Variants in EFTUD2 observed in about 807,000 individuals in gnomAD.
The protein encoded by EFTUD2 is 116 kDa U5 small nuclear ribonucleoprotein component.
Under a neutral mutation model 114.3 loss-of-function variants are expected in EFTUD2, and 9 were observed. That is an observed-to-expected ratio of 0.08 (90% CI 0.05 to 0.14). EFTUD2 has a LOEUF of 0.14. EFTUD2 is among the 10% of genes least tolerant of loss of function. The pLI, the probability that EFTUD2 is intolerant of heterozygous loss-of-function variation, is 1.00. For missense variants in EFTUD2, 765 were observed against 1,241.2 expected (o/e 0.62, Z 5.76); for synonymous variants, 449 against 462.3 (o/e 0.97, Z 0.37).
intron 2 of EFTUD2, among the ~76,000 whole-genome samples, chr17:44,888,166 A>G (rs969138155): frequency 1.3e-5 from 2 of 152,234 alleles, no homozygotes; most frequent in African/African-American, 4.8e-5. Flanking sequence ...AAGGAAGCCA[A>G]TATGGTGAGA....
chr17:44,874,134 T>A (rs1193767437), intron 10 of EFTUD2, among the ~76,000 whole-genome samples: 1 of 150,596 alleles, frequency 6.6e-6, no homozygotes, highest in African/African-American at 2.4e-5. Flanking sequence ...CCTGAACTCC[T>A]TGGCTCAAGT....
intron 1 of EFTUD2, among the ~76,000 whole-genome samples, chr17:44,894,768 G>A (rs953197822): frequency 1.1e-4 from 17 of 152,194 alleles, no homozygotes; most frequent in Admixed American, 1.3e-4. Context: ...TTAAGGAGCA[G>A]AGAGTTGAAT....
chr17:44,892,570 G>A (rs2051298074), intron 2 of EFTUD2, among the ~76,000 whole-genome samples: 2 of 150,794 alleles, frequency 1.3e-5, no homozygotes, highest in South Asian at 4.2e-4. Context: ...TATCAACATG[G>A]TTTGAATGAG....
At chr17:44,881,558 T>G in intron 7 of EFTUD2, 129 bp downstream of exon 7, 9 of 976,576 alleles carry the variant, frequency 9.2e-6, no homozygotes, top group Non-Finnish European at 1.4e-5. Flanking sequence ...AGATGGGATG[T>G]GAGAAGTGGA....
chr17:44,881,401 A>G (rs887574485), intron 7 of EFTUD2, among the ~76,000 whole-genome samples: 1 of 152,114 alleles, frequency 6.6e-6, no homozygotes, highest in Admixed American at 6.6e-5. Context: ...AACTTATAGC[A>G]CAAATGCAGA....
chr17:44,850,283 G>A lies in EFTUD2; in HGVS notation c.*991C>T, dbSNP rs1249630797. On this transcript the variant is annotated 3_prime_UTR_variant, in exon 28 of 28. Coordinates refer to ENST00000426333, the MANE Select transcript of EFTUD2 (RefSeq NM_004247.4). ...CTAGGACGCCTGAGAGCCAGAGGAC[G>A]GGTGAAGGGTTTGATGCCAAGGGGC... 34 of 1,494,884 alleles carry A rather than the reference G, an allele frequency of 2.3e-5. No homozygotes were observed. The East Asian group carries it at 5.0e-4, about 22-fold the overall frequency. 92.6% of individuals were successfully genotyped at this position (1,494,884 alleles called of 1,614,324 possible). A position where few individuals can be genotyped will look rare whatever the true frequency, so the allele number is the denominator to read the frequency against.
At chr17:44,873,455 A>T (rs911732484) in intron 10 of EFTUD2, among the ~76,000 whole-genome samples, 1 of 152,030 alleles carries the variant, frequency 6.6e-6, no homozygotes, top group African/African-American at 2.4e-5. Context: ...TCTCAAGCTC[A>T]CGCAATCCTC....
Position 44,876,008 on chromosome 17 carries a change from C to T in EFTUD2, c.795G>A (p.Leu265=). ...CATCAGTTGGAGGCAGCTTCAGCTC[C>T]AGGATCAGCCGGTCAATCTTGTTGA... ...VCINKIDRLI[L]ELKLPPTDAY... is the part of the protein sequence containing the mutation. Residue 265 remains leucine, a synonymous_variant, in exon 10 of 28, where the codon CTG becomes CTA. Transcript: ENST00000426333. 1 of 1,614,126 alleles carries T rather than the reference C, an allele frequency of 6.2e-7. No individual in the cohort carries two copies. Among genetic ancestry groups the T allele is most frequent in the Non-Finnish European group, 8.5e-7 (1 of 1,180,034 alleles).
intron 7 of EFTUD2, 86 bp from the exon 8 acceptor site, chr17:44,880,730 T>A (rs1411957444): frequency 1.0e-6 from 1 of 960,160 alleles, no homozygotes; most frequent in African/African-American, 1.6e-5. Flanking sequence ...GCTAGTAAAT[T>A]ACACTGATGC....
chr17:44,875,788 T>C (rs2050936886), intron 10 of EFTUD2, 146 bp downstream of exon 10: 5 of 878,330 alleles, frequency 5.7e-6, no homozygotes, highest in Middle Eastern at 3.6e-4. Flanking sequence ...AGTCAACCCC[T>C]GCAGAGTCCC....
chr17:44,863,518 A>G, intron 15 of EFTUD2, 137 bp downstream of exon 15: 1 of 1,275,738 alleles, frequency 7.8e-7, no homozygotes. Flanking sequence ...CAGGCTTTGC[A>G]TTCAGGCCTG....
chr17:44,870,407 C>G (rs1367084980), intron 11 of EFTUD2, among the ~76,000 whole-genome samples: 1 of 152,148 alleles, frequency 6.6e-6, no homozygotes, highest in Non-Finnish European at 1.5e-5. Context: ...CTGGAAATAA[C>G]TGATATATAC....
rs1015548064 is a variant in EFTUD2 at position 44,886,685 on chromosome 17, C to T, written c.171G>A (p.Val57=). ...AGTACTTCTTGTCCTCATGCAGCAC[C>T]ACCTCCATCCCAGGGTGGTCATCGT... is the stretch of plus-strand genomic sequence containing the variant. ...DHDDDHPGME[V]VLHEDKKYYP... Residue 57 remains valine (V), a synonymous_variant, in exon 3 of 28, where the codon GTG becomes GTA. Transcript: ENST00000426333. The T allele has an allele frequency of 1.2e-6, 2 of 1,614,168 alleles. No homozygotes were observed. The highest frequency in any genetic ancestry group is 1.7e-5 in the Admixed American group (1 of 60,022).
At chr17:44,877,576 C>T (rs2050987137) in intron 9 of EFTUD2, among the ~76,000 whole-genome samples, 1 of 152,022 alleles carries the variant, frequency 6.6e-6, no homozygotes, top group Admixed American at 6.6e-5. Context: ...GAGGCCGAGG[C>T]AGGTGGACTA....
chr17:44,886,289 G>C (rs545143377), intron 3 of EFTUD2, among the ~76,000 whole-genome samples: 1 of 152,150 alleles, frequency 6.6e-6, no homozygotes, highest in Admixed American at 6.5e-5. Flanking sequence ...AAAAGGGTTG[G>C]AGTTATTTGG....
rs1362640989 is a variant in EFTUD2 at position 44,853,503 on chromosome 17, C to T, written c.2466+14G>A. On this transcript the variant is annotated intron_variant, in intron 24 of 27. Coordinates refer to ENST00000426333, the MANE Select transcript of EFTUD2 (RefSeq NM_004247.4). ...CAGTGAAGCAGATGGTCCCCTACCG[C>T]CCCATTCTCTTACCATGAGGAAGGC... is the stretch of plus-strand genomic sequence containing the variant. 1 of 1,613,886 alleles carries T rather than the reference C, an allele frequency of 6.2e-7. No individual in the cohort carries two copies. Among genetic ancestry groups the T allele is most frequent in the South Asian group, 1.1e-5 (1 of 91,084 alleles).
In EFTUD2 at chr17:44,881,605, A is replaced by G. The variant is rs1291075433; in HGVS notation, c.528+82T>C. 2.9e-5 allele frequency: 42 copies of G among 1,453,240 alleles called. No homozygotes were observed. The Middle Eastern group carries it at 2.6e-3, about 90-fold the overall frequency. 90.0% of individuals were successfully genotyped at this position (1,453,240 alleles called of 1,614,324 possible). The stretch of plus-strand genomic sequence containing the variant: ...AGGATATGAACTAAAATGCTATCAT[A>G]AAGGCTCCTCTACATTCCCTACAAA... On this transcript the variant is annotated intron_variant, in intron 7 of 27. Coordinates refer to ENST00000426333, the MANE Select transcript of EFTUD2 (RefSeq NM_004247.4).
intron 12 of EFTUD2, among the ~76,000 whole-genome samples, 180 bp downstream of exon 12, chr17:44,868,107 A>T (rs2050783570): frequency 6.6e-6 from 1 of 151,880 alleles, no homozygotes; most frequent in African/African-American, 2.4e-5. Context: ...CAGGAGAAAC[A>T]GCTTCTCACC....
intron 20 of EFTUD2, among the ~76,000 whole-genome samples, chr17:44,855,282 G>A (rs2050528628): frequency 6.6e-6 from 1 of 152,014 alleles, no homozygotes; most frequent in South Asian, 2.1e-4. Flanking sequence ...AAAACAAACA[G>A]CCAGGCGCGG....
Sources: gnomAD v4.1 joint callset for allele counts (sites outside exome capture counted in the v4.1 genomes callset) on GRCh38, gnomAD v4.1.1 for gene constraint, MANE v1.5 for transcripts, NCBI Gene and HGNC (gene_info 2026-07-23, HGNC 2026-07-21) for gene names.